FSIP1: variants seen among roughly 807,000 people sequenced by gnomAD.
The protein encoded by FSIP1 is fibrous sheath interacting protein 1.
FSIP1 carries 65 observed loss-of-function variants against 60.9 expected under a neutral mutation model. That is an observed-to-expected ratio of 1.07 (90% CI 0.87 to 1.31). FSIP1 has a LOEUF of 1.31. FSIP1 is among the 40% of genes most tolerant of loss of function. The pLI is 0.00. For missense variants in FSIP1, 675 were observed against 665.5 expected (o/e 1.01, Z -0.16); for synonymous variants, 209 against 221.2 (o/e 0.94, Z 0.49).
chr15:39,620,858 G>A (rs1328836436), intron 10 of FSIP1, among the ~76,000 whole-genome samples: 2 of 150,264 alleles, frequency 1.3e-5, no homozygotes, highest in African/African-American at 4.9e-5. Context: ...CACCCACCTC[G>A]GCCTCCCAAA....
At chr15:39,680,429 T>G (rs1477407762) in intron 10 of FSIP1, among the ~76,000 whole-genome samples, 1 of 152,222 alleles carries the variant, frequency 6.6e-6, no homozygotes, top group Non-Finnish European at 1.5e-5. Flanking sequence ...TACAGTCACT[T>G]AACTCAAGAC....
At chr15:39,768,573 A>AAGAC (rs1205143355) in intron 3 of FSIP1, among the ~76,000 whole-genome samples, 2 of 152,242 alleles carry the variant, frequency 1.3e-5, no homozygotes, top group African/African-American at 4.8e-5. Flanking sequence ...GGATGAAGGG[A>AAGAC]AGACAGGTGG....
chr15:39,766,071 T>C (rs1435181407), intron 3 of FSIP1, among the ~76,000 whole-genome samples: 1 of 152,244 alleles, frequency 6.6e-6, no homozygotes, highest in Non-Finnish European at 1.5e-5. Flanking sequence ...TTCATTCTGT[T>C]ATACTTTCTA....
chr15:39,648,909 G>T (rs900999593), intron 10 of FSIP1, among the ~76,000 whole-genome samples: 2 of 151,798 alleles, frequency 1.3e-5, no homozygotes, highest in Non-Finnish European at 2.9e-5. Context: ...ATTTAAAAAG[G>T]AAAGCTATTT....
chr15:39,780,986 T>C (rs1487126968), intron 1 of FSIP1, among the ~76,000 whole-genome samples: 1 of 152,204 alleles, frequency 6.6e-6, no homozygotes, highest in African/African-American at 2.4e-5. Context: ...AAAATATGGA[T>C]AAATTGGAAG....
intron 11 of FSIP1, among the ~76,000 whole-genome samples, chr15:39,613,330 T>C (rs1891102760): frequency 6.6e-6 from 1 of 152,264 alleles, no homozygotes; most frequent in South Asian, 2.1e-4. Context: ...CAACATATAA[T>C]AACCTAGATA....
chr15:39,761,795 T>C (rs34104258), intron 5 of FSIP1, among the ~76,000 whole-genome samples: 111 of 152,268 alleles, frequency 7.3e-4, no homozygotes, highest in Non-Finnish European at 1.4e-3. Context: ...AATTATTCTA[T>C]ATTGTATTCA....
chr15:39,652,242 T>C (rs996883101), intron 10 of FSIP1, among the ~76,000 whole-genome samples: 10 of 152,208 alleles, frequency 6.6e-5, no homozygotes, highest in African/African-American at 2.2e-4. Context: ...AGAATGCTAG[T>C]GCTATTCAAG....
At chr15:39,710,543 A>C (rs988023979) in intron 10 of FSIP1, among the ~76,000 whole-genome samples, 4 of 152,138 alleles carry the variant, frequency 2.6e-5, no homozygotes, top group African/African-American at 9.7e-5. Flanking sequence ...AAAACACAAA[A>C]CTATGAAAAT....
At chr15:39,717,674 TC>T (rs1895793560) in intron 9 of FSIP1, among the ~76,000 whole-genome samples, 1 of 152,076 alleles carries the variant, frequency 6.6e-6, no homozygotes, top group African/African-American at 2.4e-5. Flanking sequence ...TGTCTTAAAA[TC>T]CTCATATCCT....
chr15:39,648,541 G>A (rs971339258), intron 10 of FSIP1, among the ~76,000 whole-genome samples: 12 of 152,180 alleles, frequency 7.9e-5, no homozygotes, highest in African/African-American at 2.9e-4. Context: ...ACCCCACCTT[G>A]TTAGGAAAAG....
intron 10 of FSIP1, among the ~76,000 whole-genome samples, chr15:39,637,796 G>GA (rs879716715): frequency 3.0e-4 from 44 of 145,620 alleles, no homozygotes; most frequent in East Asian, 2.2e-3. Context: ...AGGCAACCAG[G>GA]AAAAAAAAAA....
intron 11 of FSIP1, among the ~76,000 whole-genome samples, chr15:39,603,772 C>T (rs1384574471): frequency 1.3e-5 from 2 of 152,168 alleles, no homozygotes; most frequent in Non-Finnish European, 2.9e-5. Flanking sequence ...AAAAAAGGTA[C>T]TTTCTGTACA....
Position 39,618,107 on chromosome 15 carries a change from G to T in FSIP1, c.1327C>A (p.Gln443Lys). Residue 443 changes from glutamine (Q) to lysine (K), a missense_variant, in exon 11 of 12, where the codon CAG becomes AAG. By Grantham distance (53) the Gln-to-Lys change is moderately conservative (BLOSUM62 1). Transcript: ENST00000350221. ...DIEDVTPVFP[Q>K]LSRSIISKLL... ...TTAGAGATGATGGACCTGGAAAGCT[G>T]GGGGAACACAGGTGTTACGTCCTCA... 1 of 1,614,126 alleles carries T rather than the reference G, an allele frequency of 6.2e-7. No individual in the cohort carries two copies. Among genetic ancestry groups the T allele is most frequent in the Non-Finnish European group, 8.5e-7 (1 of 1,180,016 alleles).
chr15:39,712,702 G>A (rs1019004599), intron 10 of FSIP1, among the ~76,000 whole-genome samples: 6 of 152,166 alleles, frequency 3.9e-5, no homozygotes, highest in African/African-American at 1.4e-4. Flanking sequence ...TATGGGTAGT[G>A]GGAAAATCAT....
chr15:39,688,935 C>T (rs1027844161), intron 10 of FSIP1, among the ~76,000 whole-genome samples: 15 of 152,134 alleles, frequency 9.9e-5, no homozygotes, highest in Admixed American at 3.3e-4. Context: ...TTCTAGAGGT[C>T]TGTTTCACCA....
chr15:39,682,908 C>T (rs1450044902), intron 10 of FSIP1, among the ~76,000 whole-genome samples: 2 of 152,152 alleles, frequency 1.3e-5, no homozygotes, highest in Admixed American at 1.3e-4. Flanking sequence ...CCCAAACTCT[C>T]TTGCTATAAA....
intron 8 of FSIP1, among the ~76,000 whole-genome samples, chr15:39,729,755 A>T (rs983642296): frequency 2.6e-5 from 4 of 152,226 alleles, no homozygotes; most frequent in African/African-American, 9.6e-5. Flanking sequence ...GATGCAACTG[A>T]AGGCCATAAT....
At chr15:39,704,005 T>C (rs531202618) in intron 10 of FSIP1, among the ~76,000 whole-genome samples, 4 of 152,354 alleles carry the variant, frequency 2.6e-5, no homozygotes, top group East Asian at 1.9e-4. Flanking sequence ...TGTAGAAATA[T>C]ATAATTCTGA....
Sources: gnomAD v4.1 joint callset for allele counts (sites outside exome capture counted in the v4.1 genomes callset) on GRCh38, gnomAD v4.1.1 for gene constraint, MANE v1.5 for transcripts, NCBI Gene and HGNC (gene_info 2026-07-23, HGNC 2026-07-21) for gene names.